Variants in NMNAT1 observed in about 807,000 individuals in gnomAD.
The protein encoded by NMNAT1 is nicotinamide/nicotinic acid mononucleotide adenylyltransferase 1.
Under a neutral mutation model 16.7 loss-of-function variants are expected in NMNAT1, and 11 were observed. That is an observed-to-expected ratio of 0.66 (90% CI 0.41 to 1.09). The LOEUF (loss-of-function observed/expected upper bound fraction) is 1.09. Among genes scored for constraint, NMNAT1 ranks in the 50% least tolerant of loss-of-function variants. NMNAT1 has a pLI of 0.00. For missense variants in NMNAT1, 280 were observed against 332.3 expected (o/e 0.84, Z 1.22); for synonymous variants, 110 against 119.8 (o/e 0.92, Z 0.53).
chr1:9,961,682 C>T (rs945388951), intron 1 of NMNAT1, among the ~76,000 whole-genome samples: 8 of 152,174 alleles, frequency 5.3e-5, no homozygotes, highest in African/African-American at 1.9e-4. Context: ...GCCCTAGTGA[C>T]TACTACTGAA....
At chr1:9,953,464 C>T (rs1186007915) in intron 1 of NMNAT1, among the ~76,000 whole-genome samples, 5 of 146,610 alleles carry the variant, frequency 3.4e-5, no homozygotes, top group Non-Finnish European at 6.0e-5. Context: ...TTTTTTGAGA[C>T]GGAGTCTCAC....
intron 3 of NMNAT1, among the ~76,000 whole-genome samples, 172 bp downstream of exon 3, chr1:9,975,947 C>T (rs898741006): frequency 6.6e-6 from 1 of 152,132 alleles, no homozygotes; most frequent in Non-Finnish European, 1.5e-5. Flanking sequence ...AGCACAGCAC[C>T]AAAGGATGGG....
At chr1:9,961,485 T>C (rs1641405294) in intron 1 of NMNAT1, among the ~76,000 whole-genome samples, 1 of 152,158 alleles carries the variant, frequency 6.6e-6, no homozygotes, top group Middle Eastern at 3.2e-3. Flanking sequence ...CAGGGTACTA[T>C]GGGCATGTCG....
downstream of NMNAT1, among the ~76,000 whole-genome samples, chr1:9,988,482 C>A (rs940108554): frequency 1.3e-5 from 2 of 151,940 alleles, no homozygotes; most frequent in African/African-American, 4.8e-5. Flanking sequence ...ATTTGGATCA[C>A]CTAAGGTCAG....
At chr1:9,978,008 C>G (rs952234828) in intron 3 of NMNAT1, among the ~76,000 whole-genome samples, 1 of 152,122 alleles carries the variant, frequency 6.6e-6, no homozygotes, top group Non-Finnish European at 1.5e-5. Context: ...CAGTGGACTC[C>G]AGCGTCTAGC....
chr1:9,956,390 C>T (rs1216589731), intron 1 of NMNAT1, among the ~76,000 whole-genome samples: 2 of 147,684 alleles, frequency 1.4e-5, no homozygotes, highest in East Asian at 2.0e-4. Context: ...ATGCTGATCT[C>T]GAACCCCTGA....
At chr1:9,957,680 A>G (rs949882991) in intron 1 of NMNAT1, among the ~76,000 whole-genome samples, 2 of 152,214 alleles carry the variant, frequency 1.3e-5, no homozygotes, top group African/African-American at 4.8e-5. Flanking sequence ...AGGAAAAATG[A>G]CTTATTTTAC....
At chr1:9,964,206 A>G (rs932827760) in intron 1 of NMNAT1, among the ~76,000 whole-genome samples, 50 of 151,526 alleles carry the variant, frequency 3.3e-4, no homozygotes, top group African/African-American at 1.1e-3. Flanking sequence ...GTATTTTTAT[A>G]AAGCCAGGTG....
chr1:9,986,897 G>GCTGGGCATGGTGGCTCAGC (rs1553128501), downstream of NMNAT1, among the ~76,000 whole-genome samples: 5 of 151,474 alleles, frequency 3.3e-5, no homozygotes, highest in Non-Finnish European at 7.4e-5. Context: ...ACAAAACAGG[G>GCTGGGCATGGTGGCTCAGC]CTGGGCATGG....
intron 1 of NMNAT1, among the ~76,000 whole-genome samples, chr1:9,965,626 C>T (rs2101677794): frequency 6.6e-6 from 1 of 152,088 alleles, no homozygotes; most frequent in Non-Finnish European, 1.5e-5. Context: ...TGGTCTTGAA[C>T]TCCTGACCTC....
chr1:9,977,919 T>C (rs1012267579), intron 3 of NMNAT1, among the ~76,000 whole-genome samples: 1 of 152,096 alleles, frequency 6.6e-6, no homozygotes, highest in African/African-American at 2.4e-5. Context: ...ACTCCTCCGA[T>C]GTTGCCGTCA....
chr1:9,948,106 C>T (rs1057223676), intron 1 of NMNAT1, among the ~76,000 whole-genome samples: 13 of 151,918 alleles, frequency 8.6e-5, no homozygotes, highest in Non-Finnish European at 1.5e-4. Flanking sequence ...GAAGGTGGTC[C>T]GAAAATGTTG....
In NMNAT1 at chr1:9,976,488, T is replaced by C. The variant is rs562642064; in HGVS notation, c.299+713T>C. On this transcript the variant is annotated intron_variant, in intron 3 of 4. Transcript: ENST00000377205. ...AAGAGAAGCATCCAGTGCTGCTTGA[T>C]CATGGACAGGCCTGATTCGTGTGCT... Among the ~76,000 whole-genome samples, 1,196 of 152,164 alleles carry C rather than the reference T, an allele frequency of 7.9e-3. 30 individuals are homozygous for C. In the East Asian group the frequency reaches 0.099, roughly 13 times the overall value.
chr1:9,967,087 G>C (rs1194775452), intron 1 of NMNAT1, among the ~76,000 whole-genome samples: 1 of 152,078 alleles, frequency 6.6e-6, no homozygotes, highest in African/African-American at 2.4e-5. Flanking sequence ...AGCTGGGCAT[G>C]TTGGCAGGCA....
chr1:9,968,410 C>A (rs943246944), intron 1 of NMNAT1, among the ~76,000 whole-genome samples: 1 of 150,986 alleles, frequency 6.6e-6, no homozygotes, highest in African/African-American at 2.4e-5. Context: ...TGTATTGTTT[C>A]ATTTAATCCT....
intron 3 of NMNAT1, among the ~76,000 whole-genome samples, chr1:9,979,995 A>C (rs1641905877): frequency 6.6e-6 from 1 of 151,402 alleles, no homozygotes; most frequent in East Asian, 2.0e-4. Flanking sequence ...GCAATAGCGC[A>C]ATCATGGCTC....
At chr1:9,967,156 A>C (rs562915042) in intron 1 of NMNAT1, among the ~76,000 whole-genome samples, 1 of 151,904 alleles carries the variant, frequency 6.6e-6, no homozygotes, top group African/African-American at 2.4e-5. Flanking sequence ...CCTGGGAGGC[A>C]GAGGTTGCAG....
At chr1:9,959,240 C>T (rs931414498) in intron 1 of NMNAT1, among the ~76,000 whole-genome samples, 2 of 151,782 alleles carry the variant, frequency 1.3e-5, no homozygotes, top group African/African-American at 2.4e-5. Context: ...GGTGTGGTGG[C>T]GGGCGCCTGT....
downstream of NMNAT1, among the ~76,000 whole-genome samples, chr1:9,988,961 G>T (rs927345079): frequency 6.6e-6 from 1 of 152,016 alleles, no homozygotes; most frequent in Non-Finnish European, 1.5e-5. Flanking sequence ...CCAGCCAAAA[G>T]TACCTTGATT....
Sources: gnomAD v4.1 joint callset for allele counts (sites outside exome capture counted in the v4.1 genomes callset) on GRCh38, gnomAD v4.1.1 for gene constraint, MANE v1.5 for transcripts, NCBI Gene and HGNC (gene_info 2026-07-23, HGNC 2026-07-21) for gene names.